Variants in DUOX2 observed in about 807,000 individuals in gnomAD.
DUOX2 encodes dual oxidase 2, also known as NADH/NADPH thyroid oxidase p138-tox.
A neutral mutation model predicts 183.3 loss-of-function variants in DUOX2; 185 were observed. That is an observed-to-expected ratio of 1.01 (90% confidence interval 0.90 to 1.14). DUOX2 has a LOEUF of 1.14. Ranked by LOEUF, DUOX2 falls within the 50% of genes most tolerant of loss-of-function variation. The pLI is 0.00. For missense variants in DUOX2, 1,999 were observed against 2,022.9 expected, an observed-to-expected ratio of 0.99 and a Z score of 0.23; for synonymous variants, 788 against 812.4, an observed-to-expected ratio of 0.97 and a Z score of 0.51.
intron 2 of DUOX2, 59 bp from the exon 3 acceptor site, chr15:45,113,135 A>G (rs1278171132): frequency 1.3e-6 from 2 of 1,565,098 alleles, no homozygotes; most frequent in African/African-American, 2.7e-5. Flanking sequence ...CTCCCGAGCA[A>G]CGAAGGCCTT....
chr15:45,103,858 A>G, intron 20 of DUOX2, 102 bp downstream of exon 20: 1 of 1,237,154 alleles, frequency 8.1e-7, no homozygotes, highest in Non-Finnish European at 1.2e-6. Flanking sequence ...CTCTCAGCAC[A>G]GATGACCACA....
chr15:45,111,040 C>G (rs1894380420), intron 7 of DUOX2, 71 bp downstream of exon 7: 2 of 865,046 alleles, frequency 2.3e-6, no homozygotes, highest in Non-Finnish European at 3.6e-6. Context: ...ATGGGGAGCT[C>G]CATGGGGCAG....
At chr15:45,103,924 C>G (rs1301170665) in intron 20 of DUOX2, 36 bp downstream of exon 20, 1 of 1,610,500 alleles carries the variant, frequency 6.2e-7, no homozygotes, top group Non-Finnish European at 8.5e-7. Context: ...TGAAACACAC[C>G]AGGAAGTCTC....
At chr15:45,109,672 G>T (rs770702339) in intron 10 of DUOX2, 46 bp from the exon 11 acceptor site, 6 of 1,596,678 alleles carry the variant, frequency 3.8e-6, no homozygotes, top group Non-Finnish European at 5.2e-6. Context: ...CCCAAAACTC[G>T]GTCTCTCTCA....
chr15:45,094,260 C>T lies in DUOX2; in HGVS notation c.4537G>A (p.Gly1513Arg), dbSNP rs748262140. 18 of 1,614,048 alleles carry T rather than the reference C, an allele frequency of 1.1e-5. No homozygotes were observed. Among genetic ancestry groups the T allele is most frequent in the African/African-American group, 2.7e-5 (2 of 74,894 alleles). ...QEVHPQVRKI[G>R]VFSCGPPGMT... The stretch of plus-strand genomic sequence containing the variant: ...CCTGGAGGGCCGCAGCTGAACACCC[C>T]GATCTTGCGCACCTGTCAGGAGATT... The change falls in exon 34 of 34, where the codon GGG becomes AGG. Residue 1513 changes from glycine to arginine, a missense_variant. This residue lies in a region of DUOX2 where 1,628 missense variants were observed against 1,608.6 expected (regional missense o/e 1.01). Coordinates refer to ENST00000389039, the MANE Select transcript of DUOX2 (RefSeq NM_001363711.2).
chr15:45,098,942 A>C (rs1893977220), intron 26 of DUOX2: 2 of 210,238 alleles, frequency 9.5e-6, no homozygotes, highest in Non-Finnish European at 1.9e-5. Flanking sequence ...GGCCTCAAGC[A>C]ATCCTCCTGC....
At position 45,106,599 on chromosome 15, in the gene DUOX2, C is replaced by T. The variant is rs373620034; in HGVS notation, c.1874G>A (p.Arg625Gln). The T allele has an allele frequency of 2.3e-5, 37 of 1,614,022 alleles. No individual in the cohort carries two copies. Among genetic ancestry groups the T allele is most frequent in the Admixed American group, 3.3e-5 (2 of 60,000 alleles). The change falls in exon 16 of 34, where the codon CGA becomes CAA. Residue 625 changes from arginine to glutamine, a missense_variant. Arg to Gln is a conservative substitution (Grantham distance 43). Coordinates refer to ENST00000389039, the MANE Select transcript of DUOX2 (RefSeq NM_001363711.2). ...LSGVVAYFRG[R>Q]EHKKLQKKLK... ...TTTCTTTTGTAGCTTCTTGTGTTCT[C>T]GGCCCCGGAAATAGGCCACCACTCC...
Position 45,109,556 on chromosome 15 carries a change from A to C in DUOX2, c.1202T>G (p.Leu401Trp). ...LLGMASQISE[L>W]EDNIVVEDLR... ...ATCTTCAACCACTATGTTGTCCTCC[A>C]ACTCCGAAATCTGGGAGGCCATTCC... Residue 401 changes from leucine to tryptophan, a missense_variant, in exon 11 of 34, where the codon TTG (leucine) becomes TGG (tryptophan). This residue lies in a region of DUOX2 where 1,628 missense variants were observed against 1,608.6 expected (regional missense o/e 1.01). Transcript: ENST00000389039. 1 of 1,614,072 alleles carries C rather than the reference A, an allele frequency of 6.2e-7. No individual in the cohort carries two copies. The highest frequency in any genetic ancestry group is 8.5e-7 in the Non-Finnish European group (1 of 1,180,014).
Position 45,097,410 on chromosome 15 carries a change from A to C in DUOX2, c.3694-19T>G, listed in dbSNP as rs755518311. On this transcript the variant is annotated intron_variant, in intron 28 of 33. Coordinates refer to ENST00000389039, the MANE Select transcript of DUOX2 (RefSeq NM_001363711.2). Reference sequence around the variant, plus strand: ...TGATGAGCTGGAGACACGGCCAGTTAGTACAACTCAGGCCCAGCCAGGCCC... The same window carrying C: ...TGATGAGCTGGAGACACGGCCAGTTCGTACAACTCAGGCCCAGCCAGGCCC... 7 of 1,614,214 alleles carry C rather than the reference A, an allele frequency of 4.3e-6. No individual in the cohort carries two copies. Among genetic ancestry groups the C allele is most frequent in the Non-Finnish European group, 5.9e-6 (7 of 1,180,052 alleles).
At chr15:45,099,231 C>G (rs1017108888) in intron 26 of DUOX2, 152 bp downstream of exon 26, 12 of 625,330 alleles carry the variant, frequency 1.9e-5, no homozygotes, top group African/African-American at 1.5e-4. Flanking sequence ...AGGATGGTCT[C>G]GATCTCCTGA....
intron 18 of DUOX2, 54 bp downstream of exon 18, chr15:45,105,589 G>T: frequency 6.2e-7 from 1 of 1,610,080 alleles, no homozygotes; most frequent in Non-Finnish European, 8.5e-7. Context: ...TGCAGCCCAG[G>T]TTTCCTCCAT....
In DUOX2 at chr15:45,093,976, T is replaced by G. The variant is rs1001113331; in HGVS notation, c.*174A>C. Reference sequence around the variant, plus strand: ...TTGTAGAACATAGTCTCCTGCCTTTTCTCATTTGTATAATTGTCTGGGTCA... The same window carrying G: ...TTGTAGAACATAGTCTCCTGCCTTTGCTCATTTGTATAATTGTCTGGGTCA... On this transcript the variant is annotated 3_prime_UTR_variant, in exon 34 of 34. Coordinates refer to ENST00000389039, the MANE Select transcript of DUOX2 (RefSeq NM_001363711.2). 1 of 812,958 alleles carries G rather than the reference T, an allele frequency of 1.2e-6. No individual in the cohort carries two copies. The highest frequency in any genetic ancestry group is 1.7e-5 in the African/African-American group (1 of 58,062). 50.4% of individuals were successfully genotyped at this position (812,958 alleles called of 1,614,324 possible).
At position 45,105,663 on chromosome 15, in the gene DUOX2, A is replaced by G. The variant is rs1894190924; in HGVS notation, c.2314T>C (p.Phe772Leu). 6.2e-7 allele frequency: 1 copy of G among 1,614,014 alleles called. No individual in the cohort carries two copies. Among genetic ancestry groups the G allele is most frequent in the South Asian group, 1.1e-5 (1 of 91,090 alleles). Residue 772 changes from phenylalanine to leucine, a missense_variant, in exon 18 of 34, where the codon TTC becomes CTC. This residue lies in a region of DUOX2 where 1,628 missense variants were observed against 1,608.6 expected (regional missense o/e 1.01). Transcript: ENST00000389039. ...QQRERILEIF[F>L]RHLFAQVLDI... Reference sequence around the variant, plus strand: ...GGCACCTGAGCAAAAAGGTGTCTGAAGAAGATCTCCAGGATGCGTTCCCGC... The same window carrying G: ...GGCACCTGAGCAAAAAGGTGTCTGAGGAAGATCTCCAGGATGCGTTCCCGC...
At chr15:45,112,422 G>T in intron 4 of DUOX2, 132 bp downstream of exon 4, 2 of 1,132,620 alleles carry the variant, frequency 1.8e-6, no homozygotes, top group Non-Finnish European at 1.3e-6. Context: ...AGGCAGTCTC[G>T]AAGTGCTGCG....
chr15:45,109,105 C>T lies in DUOX2; in HGVS notation c.1235-153G>A, dbSNP rs190144566. The T allele has an allele frequency of 6.4e-5, 64 of 1,003,856 alleles. No individual in the cohort carries two copies. In the African/African-American group the frequency reaches 9.3e-4, roughly 15 times the overall value. The allele number at this position is 1,003,856 out of a possible 1,614,324, so 62.2% of individuals were successfully genotyped here. A position where few individuals can be genotyped will look rare whatever the true frequency, so the allele number is the denominator to read the frequency against. On this transcript the variant is annotated intron_variant, in intron 11 of 33. Coordinates refer to ENST00000389039, the MANE Select transcript of DUOX2 (RefSeq NM_001363711.2). ...CTGTGCCCATGCTGACCTTGCCTTG[C>T]TGCAAGGCCAATGTCACCATGGGTG... is the stretch of plus-strand genomic sequence containing the variant.
intron 13 of DUOX2, among the ~76,000 whole-genome samples, 185 bp downstream of exon 13, chr15:45,107,862 A>AG (rs780002381): frequency 2.1e-5 from 2 of 94,134 alleles, no homozygotes; most frequent in Non-Finnish European, 2.0e-5. Context: ...AAAAAAAAAA[A>AG]AAAAAAAAAA....
At chr15:45,098,161 G>A (rs972086952) in intron 26 of DUOX2, 103 bp from the exon 27 acceptor site, 3 of 1,138,878 alleles carry the variant, frequency 2.6e-6, no homozygotes, top group Non-Finnish European at 3.9e-6. Flanking sequence ...ACTGCTGAGG[G>A]TATGGGGCCT....
At chr15:45,096,146 C>A in intron 29 of DUOX2, 86 bp from the exon 30 acceptor site, 2 of 1,180,706 alleles carry the variant, frequency 1.7e-6, no homozygotes, top group Admixed American at 1.8e-5. Context: ...CTCTTCACAC[C>A]CCTGAGGCCT....
In DUOX2 at chr15:45,095,615, A is replaced by T; in HGVS notation, c.4081-20T>A. 1 of 1,614,094 alleles carries T rather than the reference A, an allele frequency of 6.2e-7. No individual in the cohort carries two copies. The highest frequency in any genetic ancestry group is 8.5e-7 in the Non-Finnish European group (1 of 1,180,004). On this transcript the variant is annotated intron_variant, in intron 30 of 33. Coordinates refer to ENST00000389039, the MANE Select transcript of DUOX2 (RefSeq NM_001363711.2). ...GTACAGCTGCCAAGAGAGGGGGGAG[A>T]TGAAATGAGCCTGACCCTGCCCCAG...
Sources: gnomAD v4.1 joint callset for allele counts (sites outside exome capture counted in the v4.1 genomes callset) on GRCh38, gnomAD v4.1.1 for gene constraint, gnomAD v4.1.1 regional missense constraint, MANE v1.5 for transcripts, NCBI Gene and HGNC (gene_info 2026-07-23, HGNC 2026-07-21) for gene names.